AGBL4: variants seen among roughly 807,000 people sequenced by gnomAD.
AGBL4 encodes the protein AGBL carboxypeptidase 4.
In AGBL4, 58 loss-of-function variants were observed where a neutral mutation model predicts 66.4. The ratio of observed to expected loss-of-function variants is 0.87; its 90% confidence interval spans 0.71 to 1.09. The LOEUF is 1.09. Among genes scored for constraint, AGBL4 ranks in the 50% least tolerant of loss-of-function variants. AGBL4 has a pLI of 0.00. For missense variants in AGBL4, 579 were observed against 631.0 expected, an observed-to-expected ratio of 0.92 and a Z score of 0.88; for synonymous variants, 234 against 222.9, an observed-to-expected ratio of 1.05 and a Z score of -0.44.
chr1:49,051,880 C>A (rs140787459), intron 4 of AGBL4, among the ~76,000 whole-genome samples: 3 of 152,202 alleles, frequency 2.0e-5, no homozygotes, highest in Non-Finnish European at 4.4e-5. Flanking sequence ...ATACAGGCAA[C>A]ACATTTTTAC....
intron 4 of AGBL4, among the ~76,000 whole-genome samples, chr1:49,127,980 C>T (rs561954970): frequency 1.3e-3 from 197 of 151,628 alleles, no homozygotes; most frequent in Non-Finnish European, 2.1e-3. Flanking sequence ...CAGCTATAAA[C>T]GGTAGAAAAA....
intron 4 of AGBL4, among the ~76,000 whole-genome samples, chr1:49,199,022 C>T (rs1297846317): frequency 6.6e-6 from 1 of 152,196 alleles, no homozygotes; most frequent in Non-Finnish European, 1.5e-5. Context: ...TCAGCTTTGT[C>T]TTCCACTTCT....
intron 3 of AGBL4, among the ~76,000 whole-genome samples, chr1:49,556,287 C>T (rs1381323879): frequency 1.3e-5 from 2 of 151,924 alleles, no homozygotes; most frequent in Non-Finnish European, 2.9e-5. Flanking sequence ...GGACAAAAAA[C>T]CAAACACCGC....
intron 3 of AGBL4, among the ~76,000 whole-genome samples, chr1:49,300,997 C>G (rs374424147): frequency 1.3e-5 from 2 of 152,172 alleles, no homozygotes; most frequent in South Asian, 2.1e-4. Flanking sequence ...TGGTTATAAT[C>G]CATTTCTCTC....
intron 3 of AGBL4, among the ~76,000 whole-genome samples, chr1:49,690,669 T>C (rs1316460967): frequency 6.6e-6 from 1 of 152,174 alleles, no homozygotes; most frequent in Non-Finnish European, 1.5e-5. Context: ...GACATTGAAG[T>C]GTTCCGTAAA....
chr1:48,922,225 T>C lies in AGBL4; in HGVS notation c.595-54995A>G, dbSNP rs1216630685. Among the ~76,000 whole-genome samples, 9 of 152,202 alleles carry C rather than the reference T, an allele frequency of 5.9e-5. No individual in the cohort carries two copies. In the East Asian group the frequency reaches 1.5e-3, roughly 26 times the overall value. ...TTTTAATTAGGTCACTAATGATTTA[T>C]TTATTAAGACTTTTCTCATTTGTTA... On this transcript the variant is annotated intron_variant, in intron 5 of 13. Coordinates refer to ENST00000371839, the MANE Select transcript of AGBL4 (RefSeq NM_032785.4).
intron 6 of AGBL4, among the ~76,000 whole-genome samples, chr1:48,673,432 T>C (rs1462645300): frequency 6.6e-6 from 1 of 152,230 alleles, no homozygotes; most frequent in Non-Finnish European, 1.5e-5. Context: ...AAGAGTGTTC[T>C]TTCTTTCCTA....
intron 2 of AGBL4, among the ~76,000 whole-genome samples, chr1:49,785,137 G>A (rs1039968052): frequency 6.6e-6 from 1 of 152,002 alleles, no homozygotes; most frequent in African/African-American, 2.4e-5. Context: ...ATTTATAGAA[G>A]TAGATAGTAG....
intron 3 of AGBL4, among the ~76,000 whole-genome samples, chr1:49,294,896 G>C (rs909496149): frequency 2.6e-5 from 4 of 152,098 alleles, no homozygotes; most frequent in African/African-American, 4.8e-5. Flanking sequence ...TAAAATACTT[G>C]TTTACTTGTC....
intron 1 of AGBL4, among the ~76,000 whole-genome samples, chr1:49,933,688 A>G (rs1314049890): frequency 1.3e-5 from 2 of 152,146 alleles, no homozygotes; most frequent in African/African-American, 2.4e-5. Context: ...AAGCAGTTGA[A>G]GTTAAGTTGT....
rs558083659 is a variant in AGBL4, at chr1:48,620,465, G to A, written c.951+14028C>T. On this transcript the variant is annotated intron_variant, in intron 9 of 13. Coordinates refer to ENST00000371839, the MANE Select transcript of AGBL4 (RefSeq NM_032785.4). ...CTTTTAAAATTTTTTTTGTAGAGATGGAGGCTCTCTCTGTCTTGAACTCCT... is the reference window on the plus strand; with the variant it reads ...CTTTTAAAATTTTTTTTGTAGAGATAGAGGCTCTCTCTGTCTTGAACTCCT... Among the ~76,000 whole-genome samples, 3 of 151,924 alleles carry A rather than the reference G, an allele frequency of 2.0e-5. No individual in the cohort carries two copies. The East Asian group carries it at 5.9e-4, about 30-fold the overall frequency.
intron 4 of AGBL4, among the ~76,000 whole-genome samples, chr1:49,144,687 G>A (rs1455717385): frequency 6.6e-6 from 1 of 152,110 alleles, no homozygotes; most frequent in African/African-American, 2.4e-5. Flanking sequence ...ATGATAATTT[G>A]ATGATAAATG....
At chr1:49,109,002 G>A (rs1328996243) in intron 4 of AGBL4, among the ~76,000 whole-genome samples, 1 of 152,148 alleles carries the variant, frequency 6.6e-6, no homozygotes, top group Non-Finnish European at 1.5e-5. Flanking sequence ...TGAGGGGGTT[G>A]GATCAAATGA....
At chr1:48,963,176 CAAGACAA>C (rs1333998298) in intron 5 of AGBL4, among the ~76,000 whole-genome samples, 4 of 151,212 alleles carry the variant, frequency 2.6e-5, no homozygotes, top group Non-Finnish European at 4.4e-5. Context: ...AAGGCAGAAG[CAAGACAA>C]AAGACAAAAA....
At chr1:48,758,806 C>T in intron 6 of AGBL4, 1 of 1,180,066 alleles carries the variant, frequency 8.5e-7, no homozygotes, top group Non-Finnish European at 1.2e-6. Flanking sequence ...CCTCAGGGCA[C>T]TTGGTCTCCC....
intron 1 of AGBL4, among the ~76,000 whole-genome samples, chr1:49,990,226 T>A (rs1457940962): frequency 6.6e-6 from 1 of 152,198 alleles, no homozygotes; most frequent in Non-Finnish European, 1.5e-5. Flanking sequence ...TTTTTCACAT[T>A]TAATATGGTT....
At chr1:49,267,355 T>C (rs1336773832) in intron 3 of AGBL4, among the ~76,000 whole-genome samples, 4 of 152,160 alleles carry the variant, frequency 2.6e-5, no homozygotes, top group African/African-American at 9.7e-5. Flanking sequence ...AGTCAGAGTG[T>C]ATGTATTAGT....
At chr1:48,805,074 A>C (rs1410842575) in intron 6 of AGBL4, among the ~76,000 whole-genome samples, 2 of 152,168 alleles carry the variant, frequency 1.3e-5, no homozygotes, top group African/African-American at 4.8e-5. Flanking sequence ...CAAATCTCAG[A>C]AACCTGCTGG....
intron 5 of AGBL4, among the ~76,000 whole-genome samples, chr1:48,889,989 CGT>C (rs10557498): frequency 0.022 from 3,201 of 148,682 alleles, 63 homozygotes; most frequent in African/African-American, 0.055. Context: ...AGCCTGCTTG[CGT>C]GTGTGTGTGT....
Sources: gnomAD v4.1 joint callset for allele counts (sites outside exome capture counted in the v4.1 genomes callset) on GRCh38, gnomAD v4.1.1 for gene constraint, MANE v1.5 for transcripts, NCBI Gene and HGNC (gene_info 2026-07-23, HGNC 2026-07-21) for gene names.